Variants in TNIK observed in about 807,000 individuals in gnomAD.
The protein encoded by TNIK is TRAF2 and NCK interacting kinase, also known as TRAF2 and NCK-interacting protein kinase.
Under a neutral mutation model 191.3 loss-of-function variants are expected in TNIK, and 49 were observed. That is an observed-to-expected ratio of 0.26 (90% confidence interval 0.20 to 0.32). TNIK has a LOEUF of 0.32. Among genes scored for constraint, TNIK ranks in the 10% least tolerant of loss-of-function variants. The probability of loss-of-function intolerance (pLI) is 1.00; values close to 1 mark genes in which losing one functional copy is unlikely to be tolerated. For synonymous variants in TNIK, 594 were observed against 600.9 expected (o/e 0.99, Z 0.17); for missense variants, 1,155 against 1,702.3 (o/e 0.68, Z 5.66).
chr3:171,223,267 C>T (rs555282095), intron 3 of TNIK, among the ~76,000 whole-genome samples: 1 of 152,294 alleles, frequency 6.6e-6, no homozygotes, highest in East Asian at 1.9e-4. Context: ...ACTGTCTCCT[C>T]ACAGTTCCGA....
intron 2 of TNIK, among the ~76,000 whole-genome samples, chr3:171,271,757 C>T (rs769175187): frequency 1.3e-5 from 2 of 152,112 alleles, no homozygotes; most frequent in Non-Finnish European, 2.9e-5. Flanking sequence ...GTGCTACAAC[C>T]TATTATATAT....
intron 19 of TNIK, among the ~76,000 whole-genome samples, chr3:171,109,442 C>A (rs1202664387): frequency 6.6e-6 from 1 of 151,826 alleles, no homozygotes; most frequent in African/African-American, 2.4e-5. Flanking sequence ...GTTGGCTAGT[C>A]CATATCCCAA....
At chr3:171,379,783 G>A (rs1235543335) in intron 1 of TNIK, among the ~76,000 whole-genome samples, 1 of 152,146 alleles carries the variant, frequency 6.6e-6, no homozygotes, top group Non-Finnish European at 1.5e-5. Flanking sequence ...GGCTGAGGCG[G>A]GCAGATCACG....
In TNIK at chr3:171,175,685, T is replaced by C. The variant is rs11707335; in HGVS notation, c.695-355A>G. On this transcript the variant is annotated intron_variant, in intron 8 of 32. Coordinates refer to ENST00000436636, the MANE Select transcript of TNIK (RefSeq NM_015028.4). The stretch of plus-strand genomic sequence containing the variant: ...CATCAGATGACAACTACAATGGAGA[T>C]GGTAAGCTATTTTTAATTAGTAAAA... Among the ~76,000 whole-genome samples, 152 of 152,140 alleles carry C rather than the reference T, an allele frequency of 1.0e-3. 1 individual carries two copies. The highest frequency in any genetic ancestry group is 1.9e-3 in the Non-Finnish European group (126 of 68,016).
chr3:171,282,462 C>T (rs111416982), intron 2 of TNIK, among the ~76,000 whole-genome samples: 260 of 151,794 alleles, frequency 1.7e-3, no homozygotes, highest in Non-Finnish European at 3.2e-3. Flanking sequence ...CTGCCTCAGC[C>T]TCCTGAGTAG....
intron 23 of TNIK, among the ~76,000 whole-genome samples, chr3:171,089,288 C>T (rs974955566): frequency 1.3e-5 from 2 of 152,186 alleles, no homozygotes; most frequent in African/African-American, 4.8e-5. Context: ...TTGAGCATTT[C>T]CTTTTCTAAA....
At chr3:171,253,755 G>A (rs766101146) in intron 2 of TNIK, among the ~76,000 whole-genome samples, 9 of 149,570 alleles carry the variant, frequency 6.0e-5, no homozygotes, top group Non-Finnish European at 1.0e-4. Context: ...GGGAAACTCT[G>A]ATCAAACAAA....
At chr3:171,105,151 T>C (rs1173012957) in intron 21 of TNIK, among the ~76,000 whole-genome samples, 2 of 152,210 alleles carry the variant, frequency 1.3e-5, no homozygotes, top group Non-Finnish European at 2.9e-5. Flanking sequence ...AGATTTTTCA[T>C]TTCAATCCCA....
rs1576886623 is a variant in TNIK at position 171,122,360 on chromosome 3, C to T, written c.2120+1236G>A. ...GTTCAGGCTGGCGATCCAGCACTAACGTTCCCTTGGCTGCCTGGTCACAGT... is the reference window on the plus strand; with the variant it reads ...GTTCAGGCTGGCGATCCAGCACTAATGTTCCCTTGGCTGCCTGGTCACAGT... On this transcript the variant is annotated intron_variant, in intron 18 of 32. Transcript: ENST00000436636. 4.6e-5 allele frequency among the ~76,000 whole-genome samples: 7 copies of T among 152,180 alleles called. 1 individual carries two copies.
intron 2 of TNIK, among the ~76,000 whole-genome samples, chr3:171,231,570 C>G (rs1177717378): frequency 6.6e-6 from 1 of 152,074 alleles, no homozygotes; most frequent in Non-Finnish European, 1.5e-5. Flanking sequence ...AGGAAGGATG[C>G]TGAGCTGTCA....
At chr3:171,091,791 T>C (rs1315786989) in intron 23 of TNIK, among the ~76,000 whole-genome samples, 2 of 151,808 alleles carry the variant, frequency 1.3e-5, no homozygotes, top group African/African-American at 4.8e-5. Context: ...ATGTAAATAC[T>C]CTCTTTCTCT....
At chr3:171,419,540 A>G (rs1339549467) in intron 1 of TNIK, among the ~76,000 whole-genome samples, 2 of 152,194 alleles carry the variant, frequency 1.3e-5, no homozygotes, top group Non-Finnish European at 2.9e-5. Flanking sequence ...ACAAATAGAC[A>G]AGGCTCAAGA....
chr3:171,168,573 T>A (rs1273909695), intron 9 of TNIK, among the ~76,000 whole-genome samples: 1 of 152,192 alleles, frequency 6.6e-6, no homozygotes, highest in East Asian at 1.9e-4. Context: ...AAGTACTGAA[T>A]CACTGGTATT....
intron 15 of TNIK, among the ~76,000 whole-genome samples, chr3:171,135,198 T>G (rs1159908125): frequency 6.6e-6 from 1 of 152,270 alleles, no homozygotes; most frequent in Non-Finnish European, 1.5e-5. Context: ...ATTTAAAGTT[T>G]TGAAACGTGT....
At chr3:171,289,748 G>A (rs11716808) in intron 2 of TNIK, among the ~76,000 whole-genome samples, 6,248 of 151,932 alleles carry the variant, frequency 0.041, 178 homozygotes, top group African/African-American at 0.081. Flanking sequence ...CTAAAAATAT[G>A]AAAATTAGCC....
Position 171,212,655 on chromosome 3 carries a change from C to T in TNIK, c.181-1414G>A, listed in dbSNP as rs553383155. ...ATTAAGGTCTCCTCTCCTTATCAGT[C>T]GGTAAGAACCGTAAACTCAGGAATC... On this transcript the variant is annotated intron_variant, in intron 3 of 32. Coordinates refer to ENST00000436636, the MANE Select transcript of TNIK (RefSeq NM_015028.4). 8.5e-5 allele frequency among the ~76,000 whole-genome samples: 13 copies of T among 152,278 alleles called. No homozygotes were observed. The East Asian group carries it at 2.1e-3, about 25-fold the overall frequency.
chr3:171,395,577 A>G (rs1371507490), intron 1 of TNIK, among the ~76,000 whole-genome samples: 2 of 152,222 alleles, frequency 1.3e-5, no homozygotes, highest in Admixed American at 6.5e-5. Flanking sequence ...ATGACAAATG[A>G]CAATAAGATA....
chr3:171,422,145 T>G (rs1214014888), intron 1 of TNIK, among the ~76,000 whole-genome samples: 4 of 152,214 alleles, frequency 2.6e-5, no homozygotes, highest in Non-Finnish European at 5.9e-5. Flanking sequence ...ACTAGCAATG[T>G]GTCCACCAAT....
At position 171,347,006 on chromosome 3, in the gene TNIK, A is replaced by C; in HGVS notation, c.123+22614T>G. ...ATGTAGGGGCTGCAAGGATAACATC[A>C]AGGGACAGTCCTGCAGGCGTTCATA... On this transcript the variant is annotated intron_variant, in intron 2 of 32. Coordinates refer to ENST00000436636, the MANE Select transcript of TNIK (RefSeq NM_015028.4). 4.9e-6 allele frequency: 4 copies of C among 819,860 alleles called. No homozygotes were observed. The East Asian group carries it at 8.2e-5, about 17-fold the overall frequency. The allele number at this position is 819,860 out of a possible 1,614,324, so 50.8% of individuals were successfully genotyped here.
Sources: allele counts gnomAD v4.1 joint callset (sites outside exome capture counted in the v4.1 genomes callset), GRCh38; gene constraint gnomAD v4.1.1; transcripts MANE v1.5; gene names NCBI Gene and HGNC (gene_info 2026-07-23, HGNC 2026-07-21).